Variants in TYW1B observed in about 807,000 individuals in gnomAD.
TYW1B encodes the protein S-adenosyl-L-methionine-dependent tRNA 4-demethylwyosine synthase TYW1B.
In TYW1B, 73 loss-of-function variants were observed where a neutral mutation model predicts 86.9. The ratio of observed to expected loss-of-function variants is 0.84; its 90% CI spans 0.70 to 1.02. TYW1B has a LOEUF of 1.02. Among genes scored for constraint, TYW1B ranks in the 50% least tolerant of loss-of-function variants. The probability of loss-of-function intolerance (pLI) is 0.00; values close to 1 mark genes in which losing one functional copy is unlikely to be tolerated. For synonymous variants in TYW1B, 248 were observed against 292.8 expected, an observed-to-expected ratio of 0.85 and a Z score of 1.56; for missense variants, 637 against 827.4, an observed-to-expected ratio of 0.77 and a Z score of 2.82.
chr7:72,828,188 G>T lies in TYW1B; in HGVS notation c.-113C>A. The stretch of plus-strand genomic sequence containing the variant: ...CGCGGCGTTAGCGCCGTACCGAGTG[G>T]CTGCAGAACTGTGGGCAGCTACGAC... On this transcript the variant is annotated 5_prime_UTR_variant, in exon 1 of 14. Transcript: ENST00000620995. 2 of 1,562,376 alleles carry T rather than the reference G, an allele frequency of 1.3e-6. No homozygotes were observed. Among genetic ancestry groups the T allele is most frequent in the Non-Finnish European group, 1.7e-6 (2 of 1,150,152 alleles).
intron 7 of TYW1B, among the ~76,000 whole-genome samples, chr7:72,760,011 A>G (rs563254298): frequency 2.2e-4 from 34 of 151,776 alleles, no homozygotes; most frequent in African/African-American, 8.3e-4. Context: ...GCATATACAC[A>G]CAAAAAAAAT....
At chr7:72,763,114 C>T (rs1361094410) in intron 7 of TYW1B, among the ~76,000 whole-genome samples, 1 of 151,682 alleles carries the variant, frequency 6.6e-6, no homozygotes, top group Non-Finnish European at 1.5e-5. Context: ...GAGAGGCAAT[C>T]ACACCACAAA....
intron 13 of TYW1B, among the ~76,000 whole-genome samples, chr7:72,605,719 T>A (rs1193847944): frequency 6.6e-6 from 1 of 152,110 alleles, no homozygotes; most frequent in African/African-American, 2.4e-5. Context: ...TGGGATCTGA[T>A]GAGATCTGAT....
chr7:72,672,081 G>A (rs2129569717), intron 11 of TYW1B, among the ~76,000 whole-genome samples: 1 of 152,150 alleles, frequency 6.6e-6, no homozygotes, highest in East Asian at 1.9e-4. Flanking sequence ...TGCTGTTCTC[G>A]TGATAGTGAA....
intron 6 of TYW1B, among the ~76,000 whole-genome samples, chr7:72,793,657 G>A (rs1379655519): frequency 2.0e-5 from 3 of 151,702 alleles, no homozygotes; most frequent in African/African-American, 7.3e-5. Context: ...TCGGGAGGCT[G>A]AGGCAGAGAA....
At chr7:72,648,170 T>C (rs574034278) in intron 11 of TYW1B, among the ~76,000 whole-genome samples, 148 of 152,296 alleles carry the variant, frequency 9.7e-4, no homozygotes, top group Non-Finnish European at 1.6e-3. Context: ...ATAGTATTGA[T>C]ACTTAAGATG....
intron 9 of TYW1B, among the ~76,000 whole-genome samples, chr7:72,721,712 C>A (rs1278488234): frequency 2.6e-5 from 4 of 152,192 alleles, no homozygotes; most frequent in Admixed American, 2.0e-4. Context: ...CAAATCTTAA[C>A]CCTTTCACAA....
At chr7:72,728,963 C>T (rs1787056735) in intron 8 of TYW1B, 32 bp from the exon 9 acceptor site, 3 of 1,593,992 alleles carry the variant, frequency 1.9e-6, no homozygotes, top group South Asian at 2.2e-5. Context: ...CTAAAAGACC[C>T]TTCTGTAATA....
At chr7:72,591,823 T>G (rs1378411521) in intron 13 of TYW1B, among the ~76,000 whole-genome samples, 1 of 147,326 alleles carries the variant, frequency 6.8e-6, no homozygotes. Context: ...TTTTTTCTTT[T>G]ATTTTTATTT....
intron 6 of TYW1B, among the ~76,000 whole-genome samples, chr7:72,781,350 T>C (rs1271627358): frequency 6.6e-6 from 1 of 152,120 alleles, no homozygotes; most frequent in Non-Finnish European, 1.5e-5. Flanking sequence ...CCCCACGGCA[T>C]GCTCCAATCA....
At chr7:72,632,343 A>C in intron 11 of TYW1B, among the ~76,000 whole-genome samples, 1 of 121,194 alleles carries the variant, frequency 8.3e-6, no homozygotes, top group African/African-American at 3.5e-5. Context: ...ACACGTATAT[A>C]TATTATATAT....
intron 11 of TYW1B, among the ~76,000 whole-genome samples, chr7:72,691,788 G>A (rs1814168630): frequency 6.6e-6 from 1 of 152,124 alleles, no homozygotes; most frequent in South Asian, 2.1e-4. Context: ...ACCAAAGAAG[G>A]CATGGATTTA....
At chr7:72,825,442 G>T (rs1788912869) in intron 2 of TYW1B, among the ~76,000 whole-genome samples, 1 of 152,216 alleles carries the variant, frequency 6.6e-6, no homozygotes, top group Admixed American at 6.5e-5. Context: ...ACTTTGGGAG[G>T]CCGAGGCAGG....
At chr7:72,592,243 G>A (rs1811414507) in intron 13 of TYW1B, among the ~76,000 whole-genome samples, 1 of 151,128 alleles carries the variant, frequency 6.6e-6, no homozygotes, top group Non-Finnish European at 1.5e-5. Flanking sequence ...GTTATTCTGT[G>A]ACATCAACAA....
intron 10 of TYW1B, among the ~76,000 whole-genome samples, chr7:72,703,190 A>G (rs1814531946): frequency 6.6e-6 from 1 of 151,178 alleles, no homozygotes; most frequent in Non-Finnish European, 1.5e-5. Flanking sequence ...GCGCATGGCT[A>G]ATTTTTTGTA....
At chr7:72,746,658 T>A (rs1201789855) in intron 7 of TYW1B, among the ~76,000 whole-genome samples, 1 of 152,158 alleles carries the variant, frequency 6.6e-6, no homozygotes, top group African/African-American at 2.4e-5. Context: ...ACAGAACTAC[T>A]GTCCTTATAA....
chr7:72,621,657 G>C (rs1213750325), intron 12 of TYW1B, among the ~76,000 whole-genome samples: 3 of 152,310 alleles, frequency 2.0e-5, no homozygotes, highest in Admixed American at 2.0e-4. Context: ...TCAAAACTCT[G>C]AGCCCTTTGA....
chr7:72,771,940 G>A (rs1329611836), intron 7 of TYW1B, among the ~76,000 whole-genome samples: 7 of 151,384 alleles, frequency 4.6e-5, no homozygotes, highest in Admixed American at 2.6e-4. Flanking sequence ...TCTGCCTCCC[G>A]GGTTTAAACG....
chr7:72,638,366 T>A (rs1182063999), intron 11 of TYW1B, among the ~76,000 whole-genome samples: 1 of 152,212 alleles, frequency 6.6e-6, no homozygotes, highest in Non-Finnish European at 1.5e-5. Context: ...TGATTCAACA[T>A]TTGAAAATCA....
Sources: allele counts gnomAD v4.1 joint callset (sites outside exome capture counted in the v4.1 genomes callset), GRCh38; gene constraint gnomAD v4.1.1; transcripts MANE v1.5; gene names NCBI Gene and HGNC (gene_info 2026-07-23, HGNC 2026-07-21).